Variants in CACNA1E observed in about 807,000 individuals in gnomAD.
CACNA1E encodes the protein calcium voltage-gated channel subunit alpha1 E.
Under a neutral mutation model 259.2 loss-of-function variants are expected in CACNA1E, and 40 were observed. The observed-to-expected ratio is 0.15, with a 90% confidence interval of 0.12 to 0.20. The LOEUF is 0.20. CACNA1E is among the 10% of genes least tolerant of loss of function. The probability of loss-of-function intolerance (pLI) is 1.00; values close to 1 mark genes in which losing one functional copy is unlikely to be tolerated. For synonymous variants in CACNA1E, 1,104 were observed against 1,138.5 expected (o/e 0.97, Z 0.61); for missense variants, 1,874 against 3,040.1 (o/e 0.62, Z 9.02).
intron 6 of CACNA1E, among the ~76,000 whole-genome samples, chr1:181,597,252 T>C (rs1653272539): frequency 6.6e-6 from 1 of 152,274 alleles, no homozygotes; most frequent in East Asian, 1.9e-4. Context: ...GCTTTTGCCA[T>C]CATGGTCAGT....
intron 11 of CACNA1E, 43 bp from the exon 12 acceptor site, chr1:181,718,012 C>A: frequency 1.0e-6 from 1 of 962,934 alleles, no homozygotes; most frequent in South Asian, 1.4e-5. Context: ...TGCATGAGCC[C>A]ACCCCACATG....
chr1:181,716,519 C>T (rs1203770412), intron 10 of CACNA1E, among the ~76,000 whole-genome samples: 1 of 152,122 alleles, frequency 6.6e-6, no homozygotes, highest in Non-Finnish European at 1.5e-5. Context: ...ATCTTGAAGC[C>T]ATTTGCTTAA....
intron 1 of CACNA1E, among the ~76,000 whole-genome samples, chr1:181,356,737 C>T (rs569662261): frequency 4.1e-4 from 62 of 152,338 alleles, no homozygotes; most frequent in Middle Eastern, 3.4e-3. Flanking sequence ...TGCTGTGCAT[C>T]TCTTCCTACC....
chr1:181,472,723 G>A (rs769095806), intron 2 of CACNA1E, among the ~76,000 whole-genome samples: 14 of 151,878 alleles, frequency 9.2e-5, no homozygotes, highest in Non-Finnish European at 1.6e-4. Flanking sequence ...GCACGCGTGC[G>A]TGTGTGTGCG....
At chr1:181,596,117 T>G (rs1242888195) in intron 6 of CACNA1E, among the ~76,000 whole-genome samples, 1 of 151,846 alleles carries the variant, frequency 6.6e-6, no homozygotes, top group Non-Finnish European at 1.5e-5. Flanking sequence ...GCCGGGGAGA[T>G]TGAGAGAAAG....
chr1:181,440,353 A>G (rs1369812813), intron 2 of CACNA1E, among the ~76,000 whole-genome samples: 1 of 152,194 alleles, frequency 6.6e-6, no homozygotes, highest in Non-Finnish European at 1.5e-5. Context: ...CTTCAAAGGA[A>G]ATTAATTGTA....
chr1:181,331,096 A>G (rs1274816991), intron 1 of CACNA1E, among the ~76,000 whole-genome samples: 1 of 152,184 alleles, frequency 6.6e-6, no homozygotes. Flanking sequence ...TTAAACAAGC[A>G]TATAAAGTAT....
upstream of CACNA1E, among the ~76,000 whole-genome samples, chr1:181,481,335 TACACACACACAC>T (rs113766656): frequency 1.1e-4 from 16 of 145,508 alleles, no homozygotes; most frequent in South Asian, 4.5e-4. Flanking sequence ...AGAATTTTCC[TACACACACACAC>T]ACACACACAC....
At chr1:181,745,716 A>C (rs1657016616) in intron 25 of CACNA1E, among the ~76,000 whole-genome samples, 1 of 152,160 alleles carries the variant, frequency 6.6e-6, no homozygotes, top group South Asian at 2.1e-4. Flanking sequence ...CAGTGGGACA[A>C]GTGTATTGGG....
Position 181,440,748 on chromosome 1 carries a change from G to T in CACNA1E, c.434+27168G>T, listed in dbSNP as rs531414606. On this transcript the variant is annotated intron_variant, in intron 2 of 11. Coordinates refer to the CACNA1E transcript ENST00000524607. Reference sequence around the variant, plus strand: ...GAGGCTGCGGTGGATCCAGGCTGGGGTAGGCCTTGGATTGCCTGAGCCCAG... The same window carrying T: ...GAGGCTGCGGTGGATCCAGGCTGGGTTAGGCCTTGGATTGCCTGAGCCCAG... Among the ~76,000 whole-genome samples, 82 of 152,066 alleles carry T rather than the reference G, an allele frequency of 5.4e-4. 1 individual carries two copies. The highest frequency in any genetic ancestry group is 1.8e-3 in the African/African-American group (76 of 41,484).
chr1:181,659,084 C>T (rs1572515303), intron 7 of CACNA1E, among the ~76,000 whole-genome samples: 2 of 152,188 alleles, frequency 1.3e-5, no homozygotes, highest in African/African-American at 4.8e-5. Context: ...TTCTTGTGAC[C>T]TGCAGGCAGC....
rs1668636999 is a variant in CACNA1E, at chr1:181,542,236, C to T, written c.512+30726C>T. ...CATGAGAGATCTTGAGCAAAAGATC[C>T]CCACAAAAACACTCTCAGATTCCCC... On this transcript the variant is annotated intron_variant, in intron 3 of 47. Transcript: ENST00000367573. 4.6e-5 allele frequency among the ~76,000 whole-genome samples: 7 copies of T among 150,872 alleles called. No homozygotes were observed. In the South Asian group the frequency reaches 1.5e-3, roughly 31 times the overall value.
rs751268343 is a variant in CACNA1E, at chr1:181,717,182, A to T, written c.1405A>T (p.Ile469Phe). 1.2e-6 allele frequency: 2 copies of T among 1,613,954 alleles called. No individual in the cohort carries two copies. Among genetic ancestry groups the T allele is most frequent in the Non-Finnish European group, 1.7e-6 (2 of 1,179,872 alleles). The change falls in exon 11 of 48, where the codon ATT becomes TTT. Residue 469 changes from isoleucine (I) to phenylalanine (F), a missense_variant. Around this residue, in one of 14 missense-constraint regions of CACNA1E, gnomAD observed 157 missense variants for 203.5 expected, o/e 0.77. Transcript: ENST00000367573. ...CAAGGAAAGGCTTCTGCGCATCTCC[A>T]TTCGCCACATGGTTAAATCCCAGGT... ...RHKERLLRISIRHMVKSQVFY... is the reference protein window; with the variant it reads ...RHKERLLRISFRHMVKSQVFY...
intron 43 of CACNA1E, among the ~76,000 whole-genome samples, chr1:181,789,935 T>C (rs550523866): frequency 9.2e-5 from 14 of 152,202 alleles, no homozygotes; most frequent in East Asian, 1.9e-4. Flanking sequence ...ACAGACTTAA[T>C]GTATGGTACA....
intron 7 of CACNA1E, among the ~76,000 whole-genome samples, chr1:181,662,378 C>T (rs1647773168): frequency 6.6e-6 from 1 of 152,114 alleles, no homozygotes; most frequent in South Asian, 2.1e-4. Flanking sequence ...AGCTAGCTGC[C>T]CTGGCTCCCT....
chr1:181,553,932 A>G (rs1438255377), intron 3 of CACNA1E, among the ~76,000 whole-genome samples: 1 of 152,166 alleles, frequency 6.6e-6, no homozygotes. Flanking sequence ...TGATCTTACT[A>G]ATAAGAAAGC....
intron 7 of CACNA1E, among the ~76,000 whole-genome samples, chr1:181,690,160 T>TAC: frequency 6.6e-6 from 1 of 150,652 alleles, no homozygotes; most frequent in East Asian, 1.9e-4. Context: ...GTATAAGGTG[T>TAC]AAGGAAGGGG....
chr1:181,366,378 G>A (rs1434545963), intron 1 of CACNA1E, among the ~76,000 whole-genome samples: 1 of 152,182 alleles, frequency 6.6e-6, no homozygotes, highest in South Asian at 2.1e-4. Flanking sequence ...CAGGTTGCAC[G>A]AGACCTAGTT....
chr1:181,364,311 A>G (rs1654105752), intron 1 of CACNA1E, among the ~76,000 whole-genome samples: 1 of 152,126 alleles, frequency 6.6e-6, no homozygotes, highest in Non-Finnish European at 1.5e-5. Context: ...ATTTTACACC[A>G]CACTTGTTTA....
Sources: gnomAD v4.1 joint callset for allele counts (sites outside exome capture counted in the v4.1 genomes callset) on GRCh38, gnomAD v4.1.1 for gene constraint, gnomAD v4.1.1 regional missense constraint, MANE v1.5 for transcripts, NCBI Gene and HGNC (gene_info 2026-07-23, HGNC 2026-07-21) for gene names.